The following EPB41L5 variants were observed in gnomAD, a reference collection of about 807,000 sequenced individuals.
The protein encoded by EPB41L5 is band 4.1-like protein 5.
EPB41L5 carries 55 observed loss-of-function variants against 106.6 expected under a neutral mutation model. The ratio of observed to expected loss-of-function variants is 0.52; its 90% CI spans 0.42 to 0.65. The LOEUF (loss-of-function observed/expected upper bound fraction) is 0.65, where lower values mean the gene tolerates loss of function less well. Ranked by LOEUF, EPB41L5 falls within the 30% of genes least tolerant of loss-of-function variation. The probability of loss-of-function intolerance (pLI) is 0.00; values close to 1 mark genes in which losing one functional copy is unlikely to be tolerated. For missense variants in EPB41L5, 871 were observed against 882.1 expected (o/e 0.99, Z 0.16); for synonymous variants, 297 against 306.7 (o/e 0.97, Z 0.33).
intron 2 of EPB41L5, among the ~76,000 whole-genome samples, chr2:120,037,095 A>T (rs1679084939): frequency 6.6e-6 from 1 of 152,112 alleles, no homozygotes; most frequent in Non-Finnish European, 1.5e-5. Context: ...ATTTTGCAGG[A>T]AAAAAAAACC....
At chr2:120,092,117 C>T (rs925345886) in intron 13 of EPB41L5, among the ~76,000 whole-genome samples, 1 of 152,076 alleles carries the variant, frequency 6.6e-6, no homozygotes, top group Non-Finnish European at 1.5e-5. Flanking sequence ...CAACCTCCAC[C>T]TCCCAGATTC....
chr2:120,073,287 A>G (rs1682006153), intron 4 of EPB41L5, 67 bp downstream of exon 4: 1 of 1,282,726 alleles, frequency 7.8e-7, no homozygotes, highest in Non-Finnish European at 1.1e-6. Flanking sequence ...TCTGATTTCT[A>G]ATAGGATGTA....
At chr2:120,092,843 G>GAT (rs555366286) in intron 13 of EPB41L5, among the ~76,000 whole-genome samples, 2 of 152,200 alleles carry the variant, frequency 1.3e-5, no homozygotes, top group Non-Finnish European at 2.9e-5. Flanking sequence ...AAAAGGAGGA[G>GAT]ATATATATGC....
chr2:120,129,235 C>T (rs1685592491), intron 17 of EPB41L5, among the ~76,000 whole-genome samples: 1 of 151,750 alleles, frequency 6.6e-6, no homozygotes, highest in Non-Finnish European at 1.5e-5. Flanking sequence ...ACTCGGGAGG[C>T]TGAGACATGA....
At chr2:120,149,028 T>C (rs1686544712) in intron 20 of EPB41L5, among the ~76,000 whole-genome samples, 1 of 152,196 alleles carries the variant, frequency 6.6e-6, no homozygotes, top group Non-Finnish European at 1.5e-5. Flanking sequence ...CAGTGCTTAT[T>C]ATTCTCCTTG....
At chr2:120,137,367 A>G (rs984548971) in intron 18 of EPB41L5, among the ~76,000 whole-genome samples, 1 of 152,086 alleles carries the variant, frequency 6.6e-6, no homozygotes, top group African/African-American at 2.4e-5. Context: ...AATAAAGATC[A>G]GAGCAGAAAT....
At chr2:120,164,000 T>TTTTTTTTG (rs1558915861) in intron 21 of EPB41L5, among the ~76,000 whole-genome samples, 1 of 133,692 alleles carries the variant, frequency 7.5e-6, no homozygotes, top group Non-Finnish European at 1.6e-5. Context: ...TTTTTTTTTT[T>TTTTTTTTG]GAGATGGAGT....
At chr2:120,157,270 C>T (rs757322789) in intron 20 of EPB41L5, among the ~76,000 whole-genome samples, 1 of 152,100 alleles carries the variant, frequency 6.6e-6, no homozygotes, top group Non-Finnish European at 1.5e-5. Context: ...ACCAGAATCC[C>T]TGGGACACAG....
chr2:120,059,906 C>T (rs547647827), intron 3 of EPB41L5, among the ~76,000 whole-genome samples: 58 of 152,192 alleles, frequency 3.8e-4, no homozygotes, highest in African/African-American at 1.3e-3. Flanking sequence ...AAAACAAGCT[C>T]CTCAGCTCAA....
At position 120,168,023 on chromosome 2, in the gene EPB41L5, C is replaced by T; in HGVS notation, c.2135+16C>T. 1 of 1,613,344 alleles carries T rather than the reference C, an allele frequency of 6.2e-7. No homozygotes were observed. Among genetic ancestry groups the T allele is most frequent in the Non-Finnish European group, 8.5e-7 (1 of 1,179,460 alleles). On this transcript the variant is annotated intron_variant, in intron 24 of 24. Coordinates refer to ENST00000263713, the MANE Select transcript of EPB41L5 (RefSeq NM_020909.4). ...CTGTGACCAGGTGAGAAAATTATTTCTCATTTGCAGTTCTTAGGCATCTGT... is the reference window on the plus strand; with the variant it reads ...CTGTGACCAGGTGAGAAAATTATTTTTCATTTGCAGTTCTTAGGCATCTGT...
At chr2:120,126,517 T>C (rs906759119) in intron 16 of EPB41L5, among the ~76,000 whole-genome samples, 2 of 152,218 alleles carry the variant, frequency 1.3e-5, no homozygotes, top group Non-Finnish European at 2.9e-5. Flanking sequence ...TTTTTGCCTG[T>C]GGATATCTGG....
chr2:120,100,329 A>G (rs755320645), intron 15 of EPB41L5, 43 bp downstream of exon 15: 1 of 1,568,684 alleles, frequency 6.4e-7, no homozygotes, highest in East Asian at 2.2e-5. Context: ...TCACCCGTTA[A>G]TTATGGTAAC....
intron 20 of EPB41L5, among the ~76,000 whole-genome samples, chr2:120,157,678 A>G (rs1320013177): frequency 6.6e-6 from 1 of 151,836 alleles, no homozygotes; most frequent in African/African-American, 2.4e-5. Flanking sequence ...CTGAGGCACA[A>G]GAATAGATTG....
At chr2:120,109,441 G>A (rs1574688719) in intron 16 of EPB41L5, among the ~76,000 whole-genome samples, 2 of 152,242 alleles carry the variant, frequency 1.3e-5, no homozygotes, top group African/African-American at 4.8e-5. Context: ...GAAAACATAA[G>A]CAATCAGAAG....
chr2:120,055,145 G>T (rs1680561646), intron 3 of EPB41L5, among the ~76,000 whole-genome samples: 1 of 152,066 alleles, frequency 6.6e-6, no homozygotes, highest in African/African-American at 2.4e-5. Context: ...TTATAGGCGT[G>T]AGCCACCATG....
chr2:120,148,958 C>T (rs1181143360), intron 20 of EPB41L5, among the ~76,000 whole-genome samples: 4 of 85,130 alleles, frequency 4.7e-5, no homozygotes, highest in South Asian at 3.6e-4. Flanking sequence ...CCAAAATGGC[C>T]GTAACATTTT....
At chr2:120,163,005 A>G (rs570397683) in intron 21 of EPB41L5, among the ~76,000 whole-genome samples, 2 of 152,288 alleles carry the variant, frequency 1.3e-5, no homozygotes, top group South Asian at 4.1e-4. Flanking sequence ...CCTATAAGCC[A>G]GCACTTTGGG....
chr2:120,109,721 ACTC>A (rs1684633787), intron 16 of EPB41L5, among the ~76,000 whole-genome samples: 1 of 152,020 alleles, frequency 6.6e-6, no homozygotes, highest in Admixed American at 6.6e-5. Context: ...TTAAAAAAGA[ACTC>A]CCTTGAATCT....
intron 23 of EPB41L5, 33 bp downstream of exon 23, chr2:120,167,540 G>A: frequency 6.2e-7 from 1 of 1,609,616 alleles, no homozygotes; most frequent in Non-Finnish European, 8.5e-7. Flanking sequence ...TTTTCTTCTG[G>A]CTACCCTTTC....
Sources: gnomAD v4.1 joint callset for allele counts (sites outside exome capture counted in the v4.1 genomes callset) on GRCh38, gnomAD v4.1.1 for gene constraint, MANE v1.5 for transcripts, NCBI Gene and HGNC (gene_info 2026-07-23, HGNC 2026-07-21) for gene names.